TIAM1: variants seen among roughly 807,000 people sequenced by gnomAD.
The protein encoded by TIAM1 is rho guanine nucleotide exchange factor TIAM1.
Under a neutral mutation model 163.5 loss-of-function variants are expected in TIAM1, and 65 were observed. The ratio of observed to expected loss-of-function variants is 0.40; its 90% CI spans 0.33 to 0.49. The LOEUF (loss-of-function observed/expected upper bound fraction) is 0.49. Ranked by LOEUF, TIAM1 falls within the 20% of genes least tolerant of loss-of-function variation. TIAM1 has a pLI of 0.77. For synonymous variants in TIAM1, 833 were observed against 810.1 expected (o/e 1.03, Z -0.48); for missense variants, 1,789 against 2,044.7 (o/e 0.87, Z 2.41).
rs1569400173 is a variant in TIAM1 at position 31,511,237 on chromosome 21, C to G, written c.-421-47202G>C. Among the ~76,000 whole-genome samples, 3 of 152,306 alleles carry G rather than the reference C, an allele frequency of 2.0e-5. No homozygotes were observed. In the East Asian group the frequency reaches 5.8e-4, roughly 29 times the overall value. The stretch of plus-strand genomic sequence containing the variant: ...GTTAGGGCAACCCTAGGACACTCAG[C>G]CCTAGGAAACCAGGGTGAGCAGTTG... On this transcript the variant is annotated intron_variant, in intron 1 of 28. Transcript: ENST00000286827.
intron 27 of TIAM1, 119 bp downstream of exon 27, chr21:31,124,403 C>CT: frequency 7.1e-7 from 1 of 1,417,648 alleles, no homozygotes; most frequent in Non-Finnish European, 9.3e-7. Context: ...AACCGTCCTC[C>CT]TACATCAGCC....
chr21:31,130,762 G>T, intron 24 of TIAM1, 128 bp downstream of exon 24: 1 of 820,386 alleles, frequency 1.2e-6, no homozygotes. Context: ...AGCATCCTTA[G>T]CAATGCTTAA....
At chr21:31,169,482 A>G (rs2084402533) in intron 15 of TIAM1, among the ~76,000 whole-genome samples, 1 of 152,180 alleles carries the variant, frequency 6.6e-6, no homozygotes, top group African/African-American at 2.4e-5. Flanking sequence ...GACTTACTAG[A>G]GCTCCTAAAG....
At chr21:31,457,183 G>A (rs2045136518) in intron 2 of TIAM1, among the ~76,000 whole-genome samples, 1 of 152,052 alleles carries the variant, frequency 6.6e-6, no homozygotes, top group Admixed American at 6.6e-5. Flanking sequence ...GCTCCGGCAG[G>A]GAGCTCAGAG....
At chr21:31,245,090 A>G (rs1418588405) in intron 6 of TIAM1, among the ~76,000 whole-genome samples, 2 of 152,200 alleles carry the variant, frequency 1.3e-5, no homozygotes, top group East Asian at 1.9e-4. Context: ...AATATGAGAA[A>G]GGAACATATT....
chr21:31,211,731 G>A (rs946581279), intron 10 of TIAM1, among the ~76,000 whole-genome samples: 2 of 152,182 alleles, frequency 1.3e-5, no homozygotes, highest in African/African-American at 4.8e-5. Flanking sequence ...ATCCCATTAA[G>A]TATAATTGGA....
chr21:31,131,066 A>T (rs1354880780), intron 23 of TIAM1, 118 bp from the exon 24 acceptor site: 5 of 749,314 alleles, frequency 6.7e-6, no homozygotes, highest in Non-Finnish European at 1.1e-5. Context: ...GATCCCAGTT[A>T]ACTGACTCCC....
chr21:31,381,996 T>A (rs2076786834), intron 2 of TIAM1, among the ~76,000 whole-genome samples: 1 of 152,200 alleles, frequency 6.6e-6, no homozygotes, highest in Admixed American at 6.5e-5. Flanking sequence ...GTTTGTTGAT[T>A]AAGCTGCCCA....
chr21:31,153,138 A>C lies in TIAM1; in HGVS notation c.3172-4T>G, dbSNP rs2083456192. On this transcript the variant is annotated splice_region_variant and splice_polypyrimidine_tract_variant and intron_variant, in intron 17 of 27. Transcript: ENST00000541036. ...TCTCCATAAGACAGTTTAAATCCTA[A>C]GAATTGAAAAGAGAACTCATTAGCT... 1 of 1,603,908 alleles carries C rather than the reference A, an allele frequency of 6.2e-7. No individual in the cohort carries two copies. Among genetic ancestry groups the C allele is most frequent in the African/African-American group, 1.3e-5 (1 of 74,434 alleles).
At chr21:31,129,504 C>A (rs533358773) in intron 25 of TIAM1, among the ~76,000 whole-genome samples, 1 of 152,286 alleles carries the variant, frequency 6.6e-6, no homozygotes, top group African/African-American at 2.4e-5. Context: ...AATAGCAAAA[C>A]CCTATTTCTA....
chr21:31,423,868 GGGGGGT>G, intron 2 of TIAM1, among the ~76,000 whole-genome samples: 26 of 129,660 alleles, frequency 2.0e-4, no homozygotes, highest in African/African-American at 6.9e-4. Context: ...GGGGGCGGGG[GGGGGGT>G]CAAGGGAGTT....
intron 6 of TIAM1, among the ~76,000 whole-genome samples, chr21:31,228,553 A>G (rs2088198174): frequency 6.6e-6 from 1 of 152,188 alleles, no homozygotes; most frequent in Admixed American, 6.5e-5. Flanking sequence ...GGTGCCACCA[A>G]TAGGGGAATG....
chr21:31,210,649 GA>G (rs766098871), intron 10 of TIAM1, among the ~76,000 whole-genome samples: 10 of 27,676 alleles, frequency 3.6e-4, no homozygotes, highest in African/African-American at 1.8e-3. Context: ...AAGAAAGAAA[GA>G]AAGAAAGAAA....
intron 16 of TIAM1, among the ~76,000 whole-genome samples, chr21:31,154,766 A>G (rs1282896579): frequency 6.6e-6 from 1 of 152,186 alleles, no homozygotes; most frequent in Admixed American, 6.5e-5. Flanking sequence ...GATTTGAACC[A>G]GGCAATCTGG....
At chr21:31,232,481 A>G (rs1346132746) in intron 6 of TIAM1, among the ~76,000 whole-genome samples, 1 of 152,142 alleles carries the variant, frequency 6.6e-6, no homozygotes, top group African/African-American at 2.4e-5. Flanking sequence ...CTATGTGTCC[A>G]CAAGAGGAGA....
chr21:31,555,183 GTTCT>G (rs965355068), intron 1 of TIAM1, among the ~76,000 whole-genome samples: 18 of 129,192 alleles, frequency 1.4e-4, no homozygotes, highest in African/African-American at 3.9e-4. Context: ...GAGAGAATTT[GTTCT>G]TTTTTTTTTT....
intron 2 of TIAM1, among the ~76,000 whole-genome samples, chr21:31,451,066 GAA>G (rs75384560): frequency 5.7e-5 from 8 of 140,468 alleles, no homozygotes; most frequent in Non-Finnish European, 9.4e-5. Context: ...ATTCTCAGAG[GAA>G]AAAAAAAAAA....
At chr21:31,489,580 C>T (rs767369914) in intron 1 of TIAM1, among the ~76,000 whole-genome samples, 5 of 151,842 alleles carry the variant, frequency 3.3e-5, no homozygotes, top group East Asian at 3.9e-4. Flanking sequence ...GACCCCCCCC[C>T]CCTTGGCAGA....
chr21:31,239,114 TGCAGAAAAA>T (rs557581455), intron 6 of TIAM1, among the ~76,000 whole-genome samples: 233 of 152,078 alleles, frequency 1.5e-3, no homozygotes, highest in Admixed American at 2.8e-3. Flanking sequence ...CCATGTCAGA[TGCAGAAAAA>T]CAATTTTTTT....
Sources: gnomAD v4.1 joint callset for allele counts (sites outside exome capture counted in the v4.1 genomes callset) on GRCh38, gnomAD v4.1.1 for gene constraint, MANE v1.5 for transcripts, NCBI Gene and HGNC (gene_info 2026-07-23, HGNC 2026-07-21) for gene names.